Variants in ZNF804B observed in about 807,000 individuals in gnomAD.
ZNF804B encodes the protein zinc finger protein 804B.
Under a neutral mutation model 101.4 loss-of-function variants are expected in ZNF804B, and 80 were observed. The ratio of observed to expected loss-of-function variants is 0.79; its 90% CI spans 0.66 to 0.95. ZNF804B has a LOEUF of 0.95. Among genes scored for constraint, ZNF804B ranks in the 40% least tolerant of loss-of-function variants. The pLI is 0.00. For synonymous variants in ZNF804B, 622 were observed against 558.8 expected (o/e 1.11, Z -1.59); for missense variants, 1,673 against 1,561.9 (o/e 1.07, Z -1.20).
At chr7:88,854,527 T>TTTCCTTTCCTTTCCTTTCCTTTCCTTCCC (rs1791519535) in intron 1 of ZNF804B, among the ~76,000 whole-genome samples, 1 of 40,076 alleles carries the variant, frequency 2.5e-5, no homozygotes, top group Admixed American at 3.1e-4. Flanking sequence ...CTTTCCTTCC[T>TTTCCTTTCCTTTCCTTTCCTTTCCTTCCC]TTCCTTCCTT....
At chr7:89,101,648 G>C (rs1261479624) in intron 1 of ZNF804B, among the ~76,000 whole-genome samples, 1 of 151,894 alleles carries the variant, frequency 6.6e-6, no homozygotes, top group African/African-American at 2.4e-5. Flanking sequence ...TAAAGGTAAT[G>C]TAAAAACTAC....
chr7:88,879,633 C>T (rs183471085), intron 1 of ZNF804B, among the ~76,000 whole-genome samples: 81 of 152,238 alleles, frequency 5.3e-4, no homozygotes, highest in African/African-American at 1.7e-3. Context: ...TCAGTAAATT[C>T]CAACTCACAT....
intron 2 of ZNF804B, among the ~76,000 whole-genome samples, chr7:89,254,917 A>C (rs981231916): frequency 1.2e-4 from 18 of 152,216 alleles, no homozygotes; most frequent in Non-Finnish European, 5.9e-5. Flanking sequence ...AAGTGCTGGG[A>C]TTACAGGCAT....
intron 1 of ZNF804B, among the ~76,000 whole-genome samples, chr7:89,075,250 C>T (rs1425487809): frequency 6.6e-6 from 1 of 152,168 alleles, no homozygotes; most frequent in East Asian, 1.9e-4. Flanking sequence ...TAGGGCATGT[C>T]AGACGTCTCT....
At chr7:88,874,697 T>A (rs1791896295) in intron 1 of ZNF804B, among the ~76,000 whole-genome samples, 1 of 152,148 alleles carries the variant, frequency 6.6e-6, no homozygotes. Context: ...TTGAATTTTG[T>A]CAAAGGCCTT....
chr7:89,178,903 T>G (rs964621669), intron 1 of ZNF804B, among the ~76,000 whole-genome samples: 6 of 152,152 alleles, frequency 3.9e-5, no homozygotes, highest in African/African-American at 1.4e-4. Context: ...AGTCTTTATC[T>G]CTCCTTCATG....
chr7:88,953,954 T>C (rs1793263215), intron 1 of ZNF804B, among the ~76,000 whole-genome samples: 1 of 151,788 alleles, frequency 6.6e-6, no homozygotes, highest in African/African-American at 2.4e-5. Context: ...GTCACCTCTG[T>C]GGATATTTTT....
chr7:89,267,457 T>C (rs1789816230), intron 2 of ZNF804B, among the ~76,000 whole-genome samples: 1 of 152,188 alleles, frequency 6.6e-6, no homozygotes, highest in Non-Finnish European at 1.5e-5. Context: ...ACTGCATCCA[T>C]GGGCTCAGAT....
At chr7:89,123,977 A>G (rs1790442577) in intron 1 of ZNF804B, among the ~76,000 whole-genome samples, 1 of 152,056 alleles carries the variant, frequency 6.6e-6, no homozygotes, top group Non-Finnish European at 1.5e-5. Flanking sequence ...CAAAGTGCAA[A>G]CTCCTCCCAG....
At chr7:88,901,512 A>T (rs564289088) in intron 1 of ZNF804B, among the ~76,000 whole-genome samples, 5 of 151,818 alleles carry the variant, frequency 3.3e-5, no homozygotes, top group African/African-American at 1.2e-4. Flanking sequence ...GCATTCCATT[A>T]TCCTTGTACA....
chr7:89,090,819 A>C (rs1378635854), intron 1 of ZNF804B, among the ~76,000 whole-genome samples: 2 of 152,096 alleles, frequency 1.3e-5, no homozygotes, highest in East Asian at 3.9e-4. Context: ...CATGTATGCA[A>C]GTAAAAATAT....
intron 1 of ZNF804B, 26 bp downstream of exon 1, chr7:88,760,110 A>G (rs768250255): frequency 3.2e-6 from 5 of 1,574,504 alleles, no homozygotes; most frequent in African/African-American, 1.4e-5. Context: ...ACACACATAC[A>G]TACACAAACG....
intron 1 of ZNF804B, among the ~76,000 whole-genome samples, chr7:89,173,255 G>C (rs1431317977): frequency 6.6e-6 from 1 of 151,846 alleles, no homozygotes; most frequent in East Asian, 1.9e-4. Context: ...TCCACAATAA[G>C]TTCCTCTCTT....
chr7:89,079,892 T>C (rs1789670892), intron 1 of ZNF804B, among the ~76,000 whole-genome samples: 1 of 151,952 alleles, frequency 6.6e-6, no homozygotes. Context: ...GCCAGTACAC[T>C]ATGAAGAGTA....
chr7:88,899,065 G>A (rs1441253080), intron 1 of ZNF804B, among the ~76,000 whole-genome samples: 1 of 152,072 alleles, frequency 6.6e-6, no homozygotes, highest in East Asian at 1.9e-4. Context: ...CCATTTTAGA[G>A]CCCTTTCCTT....
At chr7:89,095,085 T>C (rs2116330552) in intron 1 of ZNF804B, among the ~76,000 whole-genome samples, 1 of 152,318 alleles carries the variant, frequency 6.6e-6, no homozygotes, top group Admixed American at 6.5e-5. Context: ...ATGTTGAAAC[T>C]TCATCCCCAA....
intron 1 of ZNF804B, among the ~76,000 whole-genome samples, chr7:88,810,060 G>A (rs1018886606): frequency 5.9e-5 from 9 of 152,056 alleles, no homozygotes; most frequent in African/African-American, 1.4e-4. Context: ...CTTGTATCTC[G>A]TAACCCAGAT....
chr7:88,982,538 A>T (rs1793707256), intron 1 of ZNF804B, among the ~76,000 whole-genome samples: 1 of 152,008 alleles, frequency 6.6e-6, no homozygotes, highest in South Asian at 2.1e-4. Context: ...CTGCCTTCTT[A>T]CTGTGCCCTC....
chr7:89,070,177 C>G (rs573216868), intron 1 of ZNF804B, among the ~76,000 whole-genome samples: 1 of 152,174 alleles, frequency 6.6e-6, no homozygotes, highest in Non-Finnish European at 1.5e-5. Context: ...AGAAGGTAAC[C>G]TTACTTGCAG....
Sources: gnomAD v4.1 joint callset for allele counts (sites outside exome capture counted in the v4.1 genomes callset) on GRCh38, gnomAD v4.1.1 for gene constraint, MANE v1.5 for transcripts, NCBI Gene and HGNC (gene_info 2026-07-23, HGNC 2026-07-21) for gene names.